PDE1A: variants seen among roughly 807,000 people sequenced by gnomAD.
The protein encoded by PDE1A is phosphodiesterase 1A, also known as dual specificity calcium/calmodulin-dependent 3',5'-cyclic nucleotide phosphodiesterase 1A.
A neutral mutation model predicts 61.7 loss-of-function variants in PDE1A; 35 were observed. That is an observed-to-expected ratio of 0.57 (90% CI 0.43 to 0.75). PDE1A has a LOEUF of 0.75. PDE1A is among the 30% of genes least tolerant of loss of function. The pLI is 0.00. For missense variants in PDE1A, 597 were observed against 630.6 expected (o/e 0.95, Z 0.57); for synonymous variants, 232 against 213.2 (o/e 1.09, Z -0.77).
the PDE1A span, among the ~76,000 whole-genome samples, chr2:182,592,103 T>C: frequency 6.6e-6 from 1 of 152,214 alleles, no homozygotes; most frequent in Non-Finnish European, 1.5e-5. Flanking sequence ...ACACTTTTTC[T>C]CTAATTTCGA....
At chr2:182,616,092 G>T in the PDE1A span, among the ~76,000 whole-genome samples, 1 of 152,042 alleles carries the variant, frequency 6.6e-6, no homozygotes, top group Non-Finnish European at 1.5e-5. Flanking sequence ...AATTATAATG[G>T]CATTTACTTC....
intron 2 of PDE1A, among the ~76,000 whole-genome samples, chr2:182,458,103 C>G (rs1374920077): frequency 6.6e-6 from 1 of 151,932 alleles, no homozygotes; most frequent in Non-Finnish European, 1.5e-5. Context: ...CAGCAAGTAG[C>G]TTGAATGAAA....
At chr2:182,321,090 G>A (rs1696664482) in intron 1 of PDE1A, among the ~76,000 whole-genome samples, 1 of 152,088 alleles carries the variant, frequency 6.6e-6, no homozygotes, top group Non-Finnish European at 1.5e-5. Flanking sequence ...GCAAATAACT[G>A]CTAATGACTT....
intron 2 of PDE1A, among the ~76,000 whole-genome samples, chr2:182,519,635 T>C (rs935752528): frequency 3.3e-5 from 5 of 152,070 alleles, no homozygotes; most frequent in Middle Eastern, 3.4e-3. Context: ...ACAGCATTGA[T>C]ATTTTAATTT....
chr2:182,237,177 A>G (rs1014552963), intron 3 of PDE1A, among the ~76,000 whole-genome samples: 8 of 152,172 alleles, frequency 5.3e-5, no homozygotes, highest in Non-Finnish European at 1.2e-4. Context: ...GTTACAAGAT[A>G]TAATTCAAAA....
At chr2:182,529,689 C>T in the PDE1A span, among the ~76,000 whole-genome samples, 2 of 152,238 alleles carry the variant, frequency 1.3e-5, no homozygotes, top group South Asian at 4.1e-4. Context: ...GTGGGGAGGA[C>T]CACTGGGAGA....
the PDE1A span, among the ~76,000 whole-genome samples, chr2:182,537,376 T>C: frequency 1.1e-4 from 16 of 152,164 alleles, no homozygotes; most frequent in Non-Finnish European, 2.4e-4. Context: ...GAAACCATTA[T>C]TCACAGAAAA....
chr2:182,612,139 T>G, the PDE1A span, among the ~76,000 whole-genome samples: 1 of 152,204 alleles, frequency 6.6e-6, no homozygotes, highest in Non-Finnish European at 1.5e-5. Context: ...AATCTACAAA[T>G]TAATCTATCA....
chr2:182,358,199 G>A (rs543098411), intron 1 of PDE1A, among the ~76,000 whole-genome samples: 1 of 152,202 alleles, frequency 6.6e-6, no homozygotes, highest in African/African-American at 2.4e-5. Context: ...GTGTTCGTAT[G>A]TTAGGGTTCT....
chr2:182,181,925 T>A (rs1684797448), intron 13 of PDE1A, among the ~76,000 whole-genome samples: 1 of 152,218 alleles, frequency 6.6e-6, no homozygotes, highest in Non-Finnish European at 1.5e-5. Flanking sequence ...TGCAACACTG[T>A]GTCCTTCATT....
At chr2:182,685,006 A>G in the PDE1A span, among the ~76,000 whole-genome samples, 3 of 151,780 alleles carry the variant, frequency 2.0e-5, no homozygotes, top group South Asian at 4.2e-4. Context: ...AGTGCCTTGC[A>G]TGATGCAAGC....
At chr2:182,627,213 A>AATATAAATAATATATATTTAT in the PDE1A span, among the ~76,000 whole-genome samples, 1 of 69,502 alleles carries the variant, frequency 1.4e-5, no homozygotes, top group African/African-American at 5.6e-5. Context: ...TTATATATAA[A>AATATAAATAATATATATTTAT]ATATAAATAA....
chr2:182,508,142 T>A (rs1053200560), intron 2 of PDE1A, among the ~76,000 whole-genome samples: 3 of 151,950 alleles, frequency 2.0e-5, no homozygotes, highest in African/African-American at 4.8e-5. Context: ...AATTTTATGA[T>A]TATCTCAATA....
chr2:182,603,051 G>A, the PDE1A span, among the ~76,000 whole-genome samples: 16 of 145,414 alleles, frequency 1.1e-4, no homozygotes, highest in Admixed American at 2.0e-4. Flanking sequence ...GTTTGGTGGG[G>A]GAAGCTGATA....
intron 7 of PDE1A, among the ~76,000 whole-genome samples, chr2:182,222,769 G>C (rs1293334407): frequency 6.6e-6 from 1 of 151,868 alleles, no homozygotes; most frequent in Non-Finnish European, 1.5e-5. Context: ...TCCTCAACAA[G>C]AATGGAGATT....
the PDE1A span, among the ~76,000 whole-genome samples, chr2:182,669,978 G>A: frequency 6.6e-6 from 1 of 152,198 alleles, no homozygotes; most frequent in East Asian, 1.9e-4. Flanking sequence ...AGGTTGCCAG[G>A]TGCAGGTCAT....
chr2:182,556,339 A>C, the PDE1A span, among the ~76,000 whole-genome samples: 1 of 152,228 alleles, frequency 6.6e-6, no homozygotes, highest in Non-Finnish European at 1.5e-5. Context: ...AGAGGAAGAG[A>C]GAGCCACAGG....
At chr2:182,626,546 TA>T in the PDE1A span, among the ~76,000 whole-genome samples, 8 of 148,838 alleles carry the variant, frequency 5.4e-5, no homozygotes, top group East Asian at 3.9e-4. Context: ...TACACTGGTA[TA>T]AAAAAAAACC....
chr2:182,689,862 C>T, the PDE1A span, among the ~76,000 whole-genome samples: 1 of 152,090 alleles, frequency 6.6e-6, no homozygotes, highest in African/African-American at 2.4e-5. Context: ...CCATCGATCC[C>T]ACAGAAATAC....
Sources: allele counts gnomAD v4.1 joint callset (sites outside exome capture counted in the v4.1 genomes callset), GRCh38; gene constraint gnomAD v4.1.1; transcripts MANE v1.5; gene names NCBI Gene and HGNC (gene_info 2026-07-23, HGNC 2026-07-21).